DIP2B: variants seen among roughly 807,000 people sequenced by gnomAD.
DIP2B encodes DIP2 acetate--CoA ligase B (putative), also known as disco-interacting protein 2 homolog B.
DIP2B carries 76 observed loss-of-function variants against 198.0 expected under a neutral mutation model. That is an observed-to-expected ratio of 0.38 (90% confidence interval 0.32 to 0.46). The LOEUF (loss-of-function observed/expected upper bound fraction) is 0.46. DIP2B is among the 20% of genes least tolerant of loss of function. DIP2B has a pLI of 0.99. For missense variants in DIP2B, 1,559 were observed against 1,978.4 expected, an observed-to-expected ratio of 0.79 and a Z score of 4.02; for synonymous variants, 701 against 739.1, an observed-to-expected ratio of 0.95 and a Z score of 0.84.
chr12:50,544,909 G>T (rs777413139), intron 1 of DIP2B, among the ~76,000 whole-genome samples: 1 of 152,000 alleles, frequency 6.6e-6, no homozygotes, highest in Non-Finnish European at 1.5e-5. Context: ...GAGCCACCGC[G>T]CCTGGCTGAA....
At chr12:50,571,391 C>G (rs910182799) in intron 1 of DIP2B, among the ~76,000 whole-genome samples, 1 of 151,860 alleles carries the variant, frequency 6.6e-6, no homozygotes, top group Non-Finnish European at 1.5e-5. Flanking sequence ...AGGCTGGTCT[C>G]GAACCTCTGA....
chr12:50,593,875 TCCTCCCCTCTCCTCC>T (rs1565837495), intron 1 of DIP2B, among the ~76,000 whole-genome samples: 3 of 5,148 alleles, frequency 5.8e-4, no homozygotes, highest in African/African-American at 2.0e-3. Context: ...CCCTCCCCTC[TCCTCCCCTCTCCTCC>T]CCTCCCCTCT....
chr12:50,741,992 A>C (rs1222239719), intron 37 of DIP2B, among the ~76,000 whole-genome samples: 1 of 152,196 alleles, frequency 6.6e-6, no homozygotes, highest in Non-Finnish European at 1.5e-5. Context: ...GCAGATGAAA[A>C]GGGTAGTTGA....
intron 1 of DIP2B, among the ~76,000 whole-genome samples, chr12:50,609,400 T>C (rs1339270664): frequency 1.3e-5 from 2 of 152,220 alleles, no homozygotes; most frequent in African/African-American, 2.4e-5. Context: ...TAGAAGTTTA[T>C]TTCTAGGTCA....
At chr12:50,655,190 AGAAT>A (rs1938533735) in intron 3 of DIP2B, 1 of 184,846 alleles carries the variant, frequency 5.4e-6, no homozygotes, top group Admixed American at 5.4e-5. Flanking sequence ...GCTGTAAAAA[AGAAT>A]GAAGAGAGCT....
chr12:50,543,277 G>GT (rs200726349), intron 1 of DIP2B, among the ~76,000 whole-genome samples: 80 of 147,078 alleles, frequency 5.4e-4, no homozygotes, highest in Admixed American at 6.8e-4. Context: ...AGCTGTTAAA[G>GT]TTTTTTTTTT....
At chr12:50,603,456 T>C (rs763292098) in intron 1 of DIP2B, among the ~76,000 whole-genome samples, 1 of 152,056 alleles carries the variant, frequency 6.6e-6, no homozygotes, top group African/African-American at 2.4e-5. Flanking sequence ...AAAAAACATC[T>C]TGGCCAGTAC....
chr12:50,565,305 A>AT (rs78478979), intron 1 of DIP2B, among the ~76,000 whole-genome samples: 45 of 145,144 alleles, frequency 3.1e-4, no homozygotes, highest in East Asian at 6.2e-4. Context: ...TGGTGCCACT[A>AT]TTTTTTTTTT....
chr12:50,579,450 A>C (rs1024111027), intron 1 of DIP2B, among the ~76,000 whole-genome samples: 4 of 150,250 alleles, frequency 2.7e-5, no homozygotes, highest in African/African-American at 9.8e-5. Flanking sequence ...CCGTCTCTAC[A>C]AAAAATACAA....
chr12:50,685,543 TA>T (rs1207607017), intron 10 of DIP2B, among the ~76,000 whole-genome samples: 1 of 152,238 alleles, frequency 6.6e-6, no homozygotes, highest in Non-Finnish European at 1.5e-5. Context: ...GAAACTAATC[TA>T]AAATAGGATC....
chr12:50,569,303 T>TCAA (rs1958593427), intron 1 of DIP2B, among the ~76,000 whole-genome samples: 1 of 152,188 alleles, frequency 6.6e-6, no homozygotes, highest in South Asian at 2.1e-4. Context: ...CTGTTATCCA[T>TCAA]CAATGTGTTC....
chr12:50,595,680 A>G (rs1294843378), intron 1 of DIP2B, among the ~76,000 whole-genome samples: 1 of 152,212 alleles, frequency 6.6e-6, no homozygotes, highest in African/African-American at 2.4e-5. Flanking sequence ...TACTACATAC[A>G]TGTTCCTCTA....
At chr12:50,595,078 CTGT>C in intron 1 of DIP2B, among the ~76,000 whole-genome samples, 1 of 152,264 alleles carries the variant, frequency 6.6e-6, no homozygotes, top group Non-Finnish European at 1.5e-5. Context: ...TTTCATACTA[CTGT>C]TAAGTTAAAT....
At chr12:50,560,790 T>C (rs1378904924) in intron 1 of DIP2B, among the ~76,000 whole-genome samples, 1 of 151,962 alleles carries the variant, frequency 6.6e-6, no homozygotes, top group Non-Finnish European at 1.5e-5. Flanking sequence ...TCTCAAATTA[T>C]ATTCTGATGA....
In DIP2B at chr12:50,525,378, C is replaced by A. The variant is rs866489465; in HGVS notation, c.100+20138C>A. Among the ~76,000 whole-genome samples, 623 of 145,858 alleles carry A rather than the reference C, an allele frequency of 4.3e-3. 5 individuals carry two copies. Among genetic ancestry groups the A allele is most frequent in the African/African-American group, 0.015 (582 of 39,402 alleles). ...ATCTCAAAAAAAAAAAAAAAAAATA[C>A]AGAGAATACCGGTAGAGGGTTATTG... On this transcript the variant is annotated intron_variant, in intron 1 of 37. Coordinates refer to ENST00000301180, the MANE Select transcript of DIP2B (RefSeq NM_173602.3).
At position 50,715,378 on chromosome 12, in the gene DIP2B, TC is replaced by T. The variant is rs575664706; in HGVS notation, c.2851+784del. Among the ~76,000 whole-genome samples, 276 of 152,342 alleles carry T rather than the reference TC, an allele frequency of 1.8e-3. 1 individual carries two copies. The highest frequency in any genetic ancestry group is 3.0e-3 in the Non-Finnish European group (202 of 68,038). ...AGGCTTAGGTTGGGTTCAGAGCTGT[TC>T]CATGTGTCTCCTCATCATGGGACCA... On this transcript the variant is annotated intron_variant, in intron 23 of 37. Transcript: ENST00000301180.
chr12:50,564,607 C>T (rs369001636), intron 1 of DIP2B, among the ~76,000 whole-genome samples: 6 of 152,220 alleles, frequency 3.9e-5, no homozygotes, highest in Admixed American at 1.3e-4. Flanking sequence ...ACCATATGAA[C>T]GCCCCCTCTG....
chr12:50,510,137 C>G (rs1958001492), intron 1 of DIP2B, among the ~76,000 whole-genome samples: 1 of 152,040 alleles, frequency 6.6e-6, no homozygotes, highest in Non-Finnish European at 1.5e-5. Context: ...TTTTAGAACC[C>G]AAACTAGTTG....
chr12:50,599,367 G>T (rs911007875), intron 1 of DIP2B, among the ~76,000 whole-genome samples: 1 of 152,010 alleles, frequency 6.6e-6, no homozygotes, highest in African/African-American at 2.4e-5. Context: ...TGTAATCCCA[G>T]CACTTTGGGA....
Sources: gnomAD v4.1 joint callset for allele counts (sites outside exome capture counted in the v4.1 genomes callset) on GRCh38, gnomAD v4.1.1 for gene constraint, MANE v1.5 for transcripts, NCBI Gene and HGNC (gene_info 2026-07-23, HGNC 2026-07-21) for gene names.